Variants in PPP4R4 observed in about 807,000 individuals in gnomAD.
The protein encoded by PPP4R4 is protein phosphatase 4 regulatory subunit 4, also known as serine/threonine-protein phosphatase 4 regulatory subunit 4.
Under a neutral mutation model 121.8 loss-of-function variants are expected in PPP4R4, and 70 were observed. The observed-to-expected ratio is 0.57, with a 90% CI of 0.47 to 0.70. PPP4R4 has a LOEUF of 0.70. Among genes scored for constraint, PPP4R4 ranks in the 30% least tolerant of loss-of-function variants. The pLI is 0.00. For missense variants in PPP4R4, 875 were observed against 1,033.6 expected, an observed-to-expected ratio of 0.85 and a Z score of 2.10; for synonymous variants, 348 against 355.7, an observed-to-expected ratio of 0.98 and a Z score of 0.24.
chr14:94,268,990 T>C (rs940056348), intron 23 of PPP4R4, among the ~76,000 whole-genome samples: 2 of 152,200 alleles, frequency 1.3e-5, no homozygotes, highest in Admixed American at 6.5e-5. Flanking sequence ...GAGGGAGAAC[T>C]GTAGGTTGAA....
chr14:94,227,331 C>T (rs1488927203), intron 3 of PPP4R4: 1 of 1,612,454 alleles, frequency 6.2e-7, no homozygotes, highest in Non-Finnish European at 8.5e-7. Flanking sequence ...ATGGATCTCA[C>T]ATATGTTTGT....
In PPP4R4 at chr14:94,258,833, A is replaced by C. The variant is rs772080497; in HGVS notation, c.2052+9A>C. ...AAATGTCTATGGATGCTGTAAGTATACTCTCTTTACCTTATTGTGTTGGTC... is the reference window on the plus strand; with the variant it reads ...AAATGTCTATGGATGCTGTAAGTATCCTCTCTTTACCTTATTGTGTTGGTC... On this transcript the variant is annotated intron_variant, in intron 18 of 24. Coordinates refer to ENST00000304338, the MANE Select transcript of PPP4R4 (RefSeq NM_058237.2). 1 of 1,581,006 alleles carries C rather than the reference A, an allele frequency of 6.3e-7. No homozygotes were observed. Among genetic ancestry groups the C allele is most frequent in the Non-Finnish European group, 8.7e-7 (1 of 1,151,372 alleles).
intron 7 of PPP4R4, 79 bp from the exon 8 acceptor site, chr14:94,237,486 G>T (rs1892403406): frequency 1.5e-6 from 2 of 1,345,224 alleles, no homozygotes; most frequent in Admixed American, 3.9e-5. Flanking sequence ...GCAGCAACTA[G>T]CCCAGTCACT....
Position 94,199,532 on chromosome 14 carries a change from A to T in PPP4R4, c.192-8932A>T, listed in dbSNP as rs190843183. ...ATTGCAAGGTCAGAGGGCTTTCTGT[A>T]TCTCGGGGTTTCTTGCCTTGGTGTA... is the stretch of plus-strand genomic sequence containing the variant. On this transcript the variant is annotated intron_variant, in intron 2 of 24. Transcript: ENST00000304338. 3.2e-3 allele frequency among the ~76,000 whole-genome samples: 481 copies of T among 152,264 alleles called. 1 individual carries two copies. The highest frequency in any genetic ancestry group is 5.2e-3 in the Admixed American group (79 of 15,300).
intron 3 of PPP4R4, among the ~76,000 whole-genome samples, chr14:94,213,953 C>G (rs1008692410): frequency 6.6e-6 from 1 of 152,148 alleles, no homozygotes; most frequent in Non-Finnish European, 1.5e-5. Context: ...AACCCCCTAC[C>G]GTGTCCTTAA....
chr14:94,268,990 T>A (rs940056348), intron 23 of PPP4R4, among the ~76,000 whole-genome samples: 1 of 152,200 alleles, frequency 6.6e-6, no homozygotes, highest in Non-Finnish European at 1.5e-5. Flanking sequence ...GAGGGAGAAC[T>A]GTAGGTTGAA....
chr14:94,247,014 A>G (rs987337378), intron 14 of PPP4R4, among the ~76,000 whole-genome samples: 2 of 152,160 alleles, frequency 1.3e-5, no homozygotes, highest in African/African-American at 4.8e-5. Context: ...GAGTGTGGCA[A>G]TGGAACAGAG....
chr14:94,176,210 G>C, intron 2 of PPP4R4, 83 bp downstream of exon 2: 1 of 1,171,806 alleles, frequency 8.5e-7, no homozygotes, highest in African/African-American at 1.5e-5. Flanking sequence ...GTATGTTCGC[G>C]TTATGTTCAG....
intron 2 of PPP4R4, among the ~76,000 whole-genome samples, chr14:94,182,779 T>C (rs1487768425): frequency 1.3e-5 from 2 of 152,188 alleles, no homozygotes; most frequent in Non-Finnish European, 2.9e-5. Context: ...TTCTTTTAGG[T>C]ATCATTATAG....
At chr14:94,175,186 C>G (rs894510297) in intron 1 of PPP4R4, among the ~76,000 whole-genome samples, 17 of 151,350 alleles carry the variant, frequency 1.1e-4, no homozygotes, top group Non-Finnish European at 2.4e-4. Flanking sequence ...TCAGATCAAG[C>G]TCGGGTCCTT....
Position 94,244,712 on chromosome 14 carries a change from G to A in PPP4R4, c.1344G>A (p.Glu448=). ...LITLLQDESL[E]VLDALIDHLP... is the part of the protein sequence containing the mutation. ...CATTATTACAAGATGAATCACTGGA[G>A]GTAATATTTTCTTACTCTTTGATTT... The change falls in exon 12 of 25, where the codon GAG becomes GAA. Residue 448 remains glutamate (E), a splice_region_variant and synonymous_variant. Coordinates refer to ENST00000304338, the MANE Select transcript of PPP4R4 (RefSeq NM_058237.2). The A allele has an allele frequency of 6.7e-7, 1 of 1,489,218 alleles. No individual in the cohort carries two copies. 92.3% of individuals were successfully genotyped at this position (1,489,218 alleles called of 1,614,324 possible).
intron 17 of PPP4R4, among the ~76,000 whole-genome samples, chr14:94,256,921 T>C (rs975326448): frequency 2.6e-5 from 4 of 152,154 alleles, no homozygotes; most frequent in Admixed American, 2.6e-4. Context: ...TATAAGTGAT[T>C]ATAATCCAGT....
chr14:94,242,305 T>C lies in PPP4R4; in HGVS notation c.1163T>C (p.Val388Ala), dbSNP rs1892675745. The part of the protein sequence containing the change: ...AYNFPAMIVF[V>A]DPKNFHMELY... ...CTCCACCAGGCCATGATTGTTTTTG[T>C]TGATCCTAAAAACTTCCACATGGAA... The change falls in exon 11 of 25, where the codon GTT becomes GCT. Residue 388 changes from valine (V) to alanine (A), a missense_variant. Transcript: ENST00000304338. 1.9e-6 allele frequency: 3 copies of C among 1,612,232 alleles called. No individual in the cohort carries two copies. Among genetic ancestry groups the C allele is most frequent in the Non-Finnish European group, 2.5e-6 (3 of 1,178,512 alleles).
intron 2 of PPP4R4, among the ~76,000 whole-genome samples, chr14:94,204,014 T>G (rs994347115): frequency 1.3e-5 from 2 of 152,196 alleles, no homozygotes; most frequent in African/African-American, 4.8e-5. Flanking sequence ...TACAGGGTCT[T>G]TCACAATGCA....
chr14:94,175,719 A>G, intron 1 of PPP4R4: 1 of 312,820 alleles, frequency 3.2e-6, no homozygotes. Flanking sequence ...AGTATTAGAG[A>G]TAAAAAGTGT....
chr14:94,187,283 A>G (rs1208904279), intron 2 of PPP4R4, among the ~76,000 whole-genome samples: 2 of 152,048 alleles, frequency 1.3e-5, no homozygotes, highest in Admixed American at 6.6e-5. Flanking sequence ...TCCAGCCTGG[A>G]TGACAGAGCA....
intron 2 of PPP4R4, among the ~76,000 whole-genome samples, chr14:94,199,333 C>A (rs1036709955): frequency 2.0e-5 from 3 of 152,236 alleles, no homozygotes; most frequent in African/African-American, 4.8e-5. Flanking sequence ...ACTGCTCAAA[C>A]CTCTAGGGGG....
chr14:94,194,325 G>T (rs1217013145), intron 2 of PPP4R4, among the ~76,000 whole-genome samples: 1 of 152,072 alleles, frequency 6.6e-6, no homozygotes, highest in Non-Finnish European at 1.5e-5. Flanking sequence ...TTCTGAGTAA[G>T]TATCCTAGAA....
chr14:94,220,300 A>C (rs1891313040), intron 3 of PPP4R4, among the ~76,000 whole-genome samples: 1 of 152,172 alleles, frequency 6.6e-6, no homozygotes, highest in South Asian at 2.1e-4. Context: ...AGAAACCTAC[A>C]TGTTCAGTTA....
Sources: gnomAD v4.1 joint callset for allele counts (sites outside exome capture counted in the v4.1 genomes callset) on GRCh38, gnomAD v4.1.1 for gene constraint, MANE v1.5 for transcripts, NCBI Gene and HGNC (gene_info 2026-07-23, HGNC 2026-07-21) for gene names.